MGMT: variants seen among roughly 807,000 people sequenced by gnomAD.
The protein encoded by MGMT is O-6-methylguanine-DNA methyltransferase.
Under a neutral mutation model 15.9 loss-of-function variants are expected in MGMT, and 14 were observed. The observed-to-expected ratio is 0.88, with a 90% confidence interval of 0.58 to 1.37. The LOEUF (loss-of-function observed/expected upper bound fraction) is 1.37. Ranked by LOEUF, MGMT falls within the 40% of genes most tolerant of loss-of-function variation. The probability of loss-of-function intolerance (pLI) is 0.00; values close to 1 mark genes in which losing one functional copy is unlikely to be tolerated. For synonymous variants in MGMT, 130 were observed against 118.2 expected, an observed-to-expected ratio of 1.10 and a Z score of -0.65; for missense variants, 282 against 268.1, an observed-to-expected ratio of 1.05 and a Z score of -0.36.
chr10:129,615,296 G>T (rs1847011928), intron 2 of MGMT, among the ~76,000 whole-genome samples: 1 of 152,148 alleles, frequency 6.6e-6, no homozygotes, highest in Non-Finnish European at 1.5e-5. Flanking sequence ...GCCCCTGCTT[G>T]GGCAGACGCC....
chr10:129,622,849 A>G (rs1169848165), intron 2 of MGMT, among the ~76,000 whole-genome samples: 1 of 152,062 alleles, frequency 6.6e-6, no homozygotes, highest in Non-Finnish European at 1.5e-5. Context: ...TCACATGGCT[A>G]AAGGAGATTT....
rs189582929 is a variant in MGMT, at chr10:129,758,144, T to G, written c.275-1058T>G. ...CAGATTTTTTTCCCAGTGAAGTGAT[T>G]ATCGTTCCCTTCAGTTAAGAAGTGA... On this transcript the variant is annotated intron_variant, in intron 3 of 4. Coordinates refer to ENST00000651593, the MANE Select transcript of MGMT (RefSeq NM_002412.5). Among the ~76,000 whole-genome samples the G allele has an allele frequency of 5.9e-4, 90 of 152,264 alleles. 1 individual carries two copies. The highest frequency in any genetic ancestry group is 2.0e-3 in the African/African-American group (82 of 41,542).
chr10:129,578,036 G>A (rs1846507105), intron 2 of MGMT, among the ~76,000 whole-genome samples: 1 of 152,176 alleles, frequency 6.6e-6, no homozygotes, highest in Admixed American at 6.5e-5. Context: ...GGAAACAACA[G>A]GTGCTGGAGA....
At chr10:129,581,174 C>G (rs1276668835) in intron 2 of MGMT, among the ~76,000 whole-genome samples, 1 of 152,190 alleles carries the variant, frequency 6.6e-6, no homozygotes. Context: ...TTGCCGTGAC[C>G]TGTCGCGGGC....
intron 2 of MGMT, among the ~76,000 whole-genome samples, chr10:129,592,190 A>G (rs913582478): frequency 6.6e-5 from 10 of 152,224 alleles, no homozygotes; most frequent in African/African-American, 2.2e-4. Context: ...CCAGCCAACC[A>G]TATTTACCCA....
intron 2 of MGMT, among the ~76,000 whole-genome samples, chr10:129,681,282 T>C (rs533938578): frequency 6.6e-6 from 1 of 152,324 alleles, no homozygotes; most frequent in South Asian, 2.1e-4. Flanking sequence ...TTAAATGCCA[T>C]GATGATATAT....
chr10:129,745,743 C>G (rs952562618), intron 3 of MGMT, among the ~76,000 whole-genome samples: 1 of 152,012 alleles, frequency 6.6e-6, no homozygotes, highest in African/African-American at 2.4e-5. Flanking sequence ...GTTATTGACC[C>G]CTCCTTATAT....
chr10:129,635,083 G>T (rs1847250387), intron 2 of MGMT, among the ~76,000 whole-genome samples: 1 of 152,174 alleles, frequency 6.6e-6, no homozygotes, highest in African/African-American at 2.4e-5. Context: ...CGCCCCGGAT[G>T]GTCTGTGAAT....
At chr10:129,468,841 C>T (rs1008281440) in intron 1 of MGMT, among the ~76,000 whole-genome samples, 8 of 152,142 alleles carry the variant, frequency 5.3e-5, no homozygotes, top group Middle Eastern at 3.4e-3. Context: ...GCCGAGATTG[C>T]GCCATTGCAC....
At chr10:129,528,781 C>T (rs1845897989) in intron 1 of MGMT, among the ~76,000 whole-genome samples, 1 of 152,170 alleles carries the variant, frequency 6.6e-6, no homozygotes, top group South Asian at 2.1e-4. Context: ...CTCCAGCCAT[C>T]ACATCTGCCA....
At chr10:129,498,471 TAAGG>T (rs1845544777) in intron 1 of MGMT, among the ~76,000 whole-genome samples, 1 of 152,270 alleles carries the variant, frequency 6.6e-6, no homozygotes, top group African/African-American at 2.4e-5. Flanking sequence ...AACTGTTCTG[TAAGG>T]AAGAGCTGTC....
chr10:129,676,611 T>TA (rs1029000767), intron 2 of MGMT, among the ~76,000 whole-genome samples: 1 of 152,202 alleles, frequency 6.6e-6, no homozygotes, highest in African/African-American at 2.4e-5. Flanking sequence ...GTCTGTTTAA[T>TA]AAAAAATAAC....
In MGMT at chr10:129,703,946, G is replaced by A. The variant is rs964326407; in HGVS notation, c.126-3949G>A. ...CATCACGCTTGCTCTTCCTGTCTGGGCAGTGGTGGTTGACAGCAGCCAGCT... is the reference window on the plus strand; with the variant it reads ...CATCACGCTTGCTCTTCCTGTCTGGACAGTGGTGGTTGACAGCAGCCAGCT... On this transcript the variant is annotated intron_variant, in intron 2 of 4. Transcript: ENST00000651593. 2.6e-5 allele frequency among the ~76,000 whole-genome samples: 4 copies of A among 152,124 alleles called. No homozygotes were observed. The East Asian group carries it at 5.8e-4, about 22-fold the overall frequency.
chr10:129,578,734 C>G (rs754519331), intron 2 of MGMT, among the ~76,000 whole-genome samples: 24 of 152,166 alleles, frequency 1.6e-4, no homozygotes, highest in Non-Finnish European at 3.1e-4. Context: ...ATCCTGGGAA[C>G]TTATAGAAAG....
intron 2 of MGMT, among the ~76,000 whole-genome samples, chr10:129,579,256 A>G (rs1332903220): frequency 6.6e-6 from 1 of 152,270 alleles, no homozygotes; most frequent in Non-Finnish European, 1.5e-5. Flanking sequence ...TGTATTAAAC[A>G]GATGAGTACC....
intron 2 of MGMT, among the ~76,000 whole-genome samples, chr10:129,706,393 C>G (rs1315034062): frequency 6.6e-6 from 1 of 152,130 alleles, no homozygotes; most frequent in Admixed American, 6.5e-5. Context: ...ATGGGTGTGT[C>G]GAGGAGAAAC....
intron 2 of MGMT, among the ~76,000 whole-genome samples, chr10:129,564,681 CCTCCTCCTCCTCTCCT>C: frequency 7.8e-6 from 1 of 128,734 alleles, no homozygotes; most frequent in African/African-American, 3.0e-5. Context: ...TCCTCTCCTT[CCTCCTCCTCCTCTCCT>C]TCCTCCTCTT....
chr10:129,517,321 C>T (rs528785107), intron 1 of MGMT, among the ~76,000 whole-genome samples: 57 of 152,312 alleles, frequency 3.7e-4, no homozygotes, highest in African/African-American at 1.2e-3. Context: ...GGAGGAAACA[C>T]GCAGCCCAGC....
chr10:129,543,563 T>A (rs2119773717), intron 2 of MGMT, among the ~76,000 whole-genome samples: 1 of 152,302 alleles, frequency 6.6e-6, no homozygotes, highest in African/African-American at 2.4e-5. Flanking sequence ...GTGCTCTTGA[T>A]GTTTTCTCCC....
Sources: gnomAD v4.1 joint callset for allele counts (sites outside exome capture counted in the v4.1 genomes callset) on GRCh38, gnomAD v4.1.1 for gene constraint, MANE v1.5 for transcripts, NCBI Gene and HGNC (gene_info 2026-07-23, HGNC 2026-07-21) for gene names.